HDLBP: variants seen among roughly 807,000 people sequenced by gnomAD.
The protein encoded by HDLBP is vigilin.
Under a neutral mutation model 137.3 loss-of-function variants are expected in HDLBP, and 30 were observed. That is an observed-to-expected ratio of 0.22 (90% CI 0.16 to 0.30). The LOEUF (loss-of-function observed/expected upper bound fraction) is 0.30. Ranked by LOEUF, HDLBP falls within the 10% of genes least tolerant of loss-of-function variation. The pLI is 1.00. For missense variants in HDLBP, 1,119 were observed against 1,667.3 expected, an observed-to-expected ratio of 0.67 and a Z score of 5.73; for synonymous variants, 606 against 596.0, an observed-to-expected ratio of 1.02 and a Z score of -0.24.
chr2:241,292,577 A>C (rs1197681647), intron 1 of HDLBP, among the ~76,000 whole-genome samples: 1 of 152,232 alleles, frequency 6.6e-6, no homozygotes, highest in African/African-American at 2.4e-5. Context: ...GCTATGATGA[A>C]GGTATTGTGG....
intron 1 of HDLBP, chr2:241,270,946 A>G (rs990630508): frequency 2.4e-5 from 23 of 977,616 alleles, no homozygotes; most frequent in Non-Finnish European, 2.4e-6. Context: ...GGAACCTCAG[A>G]TATTAATCTA....
chr2:241,267,270 A>C (rs562877933), intron 2 of HDLBP, among the ~76,000 whole-genome samples: 3 of 152,312 alleles, frequency 2.0e-5, no homozygotes, highest in African/African-American at 7.2e-5. Context: ...AGTTTAAGAA[A>C]TTTGTGTTGG....
chr2:241,247,346 G>A lies in HDLBP; in HGVS notation c.1732-204C>T, dbSNP rs572331563. 5.8e-5 allele frequency: 34 copies of A among 583,168 alleles called. 2 individuals carry two copies. In the South Asian group the frequency reaches 6.2e-4, roughly 11 times the overall value. 36.1% of individuals were successfully genotyped at this position (583,168 alleles called of 1,614,324 possible). A position where few individuals can be genotyped will look rare whatever the true frequency, so the allele number is the denominator to read the frequency against. ...TGCAAATTACAGTCAATCGATGCAA[G>A]TCTACTTTTTGGCTAAGAGAGAGTT... On this transcript the variant is annotated intron_variant, in intron 14 of 27. Coordinates refer to ENST00000310931, the MANE Select transcript of HDLBP (RefSeq NM_005336.6).
At chr2:241,263,390 T>C (rs2073364174) in intron 4 of HDLBP, among the ~76,000 whole-genome samples, 1 of 152,142 alleles carries the variant, frequency 6.6e-6, no homozygotes, top group Non-Finnish European at 1.5e-5. Flanking sequence ...TCCCACCCTG[T>C]AGTAAAAGTC....
At position 241,247,291 on chromosome 2, in the gene HDLBP, T is replaced by C. The variant is rs1027988676; in HGVS notation, c.1732-149A>G. 44 of 626,104 alleles carry C rather than the reference T, an allele frequency of 7.0e-5. 2 individuals are homozygous for C. The South Asian group carries it at 7.9e-4, about 11-fold the overall frequency. The allele number at this position is 626,104 out of a possible 1,614,324, so 38.8% of individuals were successfully genotyped here. Reference sequence around the variant, plus strand: ...AGGTTTGTCATGAGGGTAAGTGAGATAGATCATTTGTCCAACAACTAACTT... The same window carrying C: ...AGGTTTGTCATGAGGGTAAGTGAGACAGATCATTTGTCCAACAACTAACTT... On this transcript the variant is annotated intron_variant, in intron 14 of 27. Coordinates refer to ENST00000310931, the MANE Select transcript of HDLBP (RefSeq NM_005336.6).
At chr2:241,296,808 T>C (rs1196821293) in intron 1 of HDLBP, among the ~76,000 whole-genome samples, 2 of 152,180 alleles carry the variant, frequency 1.3e-5, no homozygotes, top group Non-Finnish European at 2.9e-5. Flanking sequence ...AATAGAAATA[T>C]ACAATCTAAG....
At chr2:241,246,239 G>A (rs75590598) in intron 16 of HDLBP, among the ~76,000 whole-genome samples, 11,400 of 151,686 alleles carry the variant, frequency 0.075, 567 homozygotes, top group Middle Eastern at 0.15. Context: ...GTGGCCGAAA[G>A]CAGACTGGGG....
chr2:241,232,964 G>A (rs866344082), intron 24 of HDLBP, among the ~76,000 whole-genome samples: 1 of 151,410 alleles, frequency 6.6e-6, no homozygotes, highest in African/African-American at 2.4e-5. Context: ...ATCCAAAAGG[G>A]AACAAGAAGC....
chr2:241,256,683 G>T lies in HDLBP; in HGVS notation c.574C>A (p.Pro192Thr), dbSNP rs61757694. ...CCAGTGATCTTGATCTGATTGCTGGGGTCATCTGGGCGTGGGATCTGGATT... is the reference window on the plus strand; with the variant it reads ...CCAGTGATCTTGATCTGATTGCTGGTGTCATCTGGGCGTGGGATCTGGATT... Reference protein sequence around the residue: ...TKIQIPRPDDPSNQIKITGTK... With the variant: ...TKIQIPRPDDTSNQIKITGTK... The change falls in exon 6 of 28, where the codon CCC becomes ACC. Residue 192 changes from proline to threonine, a missense_variant. Around this residue, in one of 4 missense-constraint regions of HDLBP, gnomAD observed 425 missense variants for 693.9 expected, o/e 0.61. Transcript: ENST00000310931. 1 of 1,614,078 alleles carries T rather than the reference G, an allele frequency of 6.2e-7. No individual in the cohort carries two copies. Among genetic ancestry groups the T allele is most frequent in the Non-Finnish European group, 8.5e-7 (1 of 1,180,028 alleles).
intron 2 of HDLBP, chr2:241,267,428 A>G (rs1404516679): frequency 5.7e-6 from 4 of 706,094 alleles, no homozygotes; most frequent in Non-Finnish European, 9.7e-6. Context: ...CAGGGGCCAC[A>G]GAGACACAGT....
chr2:241,288,829 T>G (rs202209093), intron 1 of HDLBP, among the ~76,000 whole-genome samples: 3 of 152,196 alleles, frequency 2.0e-5, no homozygotes, highest in Non-Finnish European at 4.4e-5. Context: ...AGAATGGCTG[T>G]AGGAAGGGCC....
In HDLBP at chr2:241,235,183, C is replaced by A; in HGVS notation, c.3082G>T (p.Asp1028Tyr). The change falls in exon 23 of 28, where the codon GAC becomes TAC. Residue 1028 changes from aspartate to tyrosine, a missense_variant. Asp to Tyr is a radical substitution (Grantham distance 160, BLOSUM62 -3). Around this residue, in one of 4 missense-constraint regions of HDLBP, gnomAD observed 618 missense variants for 816.7 expected, o/e 0.76. Transcript: ENST00000310931. ...TCCAGCAGTCCAGCCTTGGCCCGGT[C>A]CAAATTTGCAGCGAGGCCCGTGATG... ...IAITGLAANLDRAKAGLLERV... is the reference protein window; with the variant it reads ...IAITGLAANLYRAKAGLLERV... 1 of 1,614,204 alleles carries A rather than the reference C, an allele frequency of 6.2e-7. No individual in the cohort carries two copies. The highest frequency in any genetic ancestry group is 8.5e-7 in the Non-Finnish European group (1 of 1,180,046).
rs1250022013 is a variant in HDLBP at position 241,228,466 on chromosome 2, C to G, written c.*1135G>C. The G allele has an allele frequency of 6.6e-6, 1 of 152,462 alleles. No homozygotes were observed. The highest frequency in any genetic ancestry group is 1.5e-5 in the Non-Finnish European group (1 of 68,234). The allele number at this position is 152,462 out of a possible 1,614,324, so 9.4% of individuals were successfully genotyped here. ...ACCTGCTCCTAGGGGCTGGCCTGCA[C>G]AGCCGGATGGCCTGTGGGCGGGGTG... On this transcript the variant is annotated 3_prime_UTR_variant, in exon 28 of 28. Coordinates refer to ENST00000310931, the MANE Select transcript of HDLBP (RefSeq NM_005336.6).
intron 4 of HDLBP, 83 bp from the exon 5 acceptor site, chr2:241,263,009 A>C (rs1574959252): frequency 2.6e-5 from 27 of 1,058,000 alleles, no homozygotes. Context: ...TGTGTTCATC[A>C]CCATCCACTC....
At chr2:241,241,647 A>G (rs1040001915) in intron 17 of HDLBP, among the ~76,000 whole-genome samples, 1 of 148,892 alleles carries the variant, frequency 6.7e-6, no homozygotes, top group Non-Finnish European at 1.5e-5. Flanking sequence ...AGCTTTATTT[A>G]GCAGCCTCGT....
chr2:241,250,228 G>A (rs2072018812), intron 11 of HDLBP: 2 of 369,670 alleles, frequency 5.4e-6, no homozygotes, highest in Non-Finnish European at 4.8e-6. Flanking sequence ...GAAATGCCCC[G>A]AGACCTTCAA....
intron 12 of HDLBP, chr2:241,249,480 T>G (rs953887965): frequency 2.2e-5 from 11 of 494,122 alleles, no homozygotes; most frequent in African/African-American, 1.8e-4. Context: ...GCAGTGATCC[T>G]CGAGTCTGGC....
chr2:241,253,199 A>T (rs1671255792), intron 10 of HDLBP, among the ~76,000 whole-genome samples, 164 bp from the exon 11 acceptor site: 1 of 152,150 alleles, frequency 6.6e-6, no homozygotes, highest in South Asian at 2.1e-4. Flanking sequence ...CTTCAAGATG[A>T]AGTTTCCTCC....
Position 241,253,460 on chromosome 2 carries a change from G to C in HDLBP, c.1226C>G (p.Thr409Ser). 1 of 1,613,842 alleles carries C rather than the reference G, an allele frequency of 6.2e-7. No homozygotes were observed. Among genetic ancestry groups the C allele is most frequent in the Non-Finnish European group, 8.5e-7 (1 of 1,179,736 alleles). ...IEFTEGEDKI[T>S]LEGPTEDVNV... ...GACATCCTCTGTAGGGCCCTCCAGG[G>C]TGATCTTGTCTTCGCCCTCTGTGAA... Residue 409 changes from threonine (T) to serine (S), a missense_variant, in exon 10 of 28, where the codon ACC becomes AGC. This residue lies in a region of HDLBP where 425 missense variants were observed against 693.9 expected (regional missense o/e 0.61). Transcript: ENST00000310931.
Sources: allele counts gnomAD v4.1 joint callset (sites outside exome capture counted in the v4.1 genomes callset), GRCh38; gene constraint gnomAD v4.1.1; regional missense constraint gnomAD v4.1.1; transcripts MANE v1.5; gene names NCBI Gene and HGNC (gene_info 2026-07-23, HGNC 2026-07-21).